The following RYR3 variants were observed in gnomAD, a reference collection of about 807,000 sequenced individuals.
RYR3 encodes ryanodine receptor 3.
In RYR3, 207 loss-of-function variants were observed where a neutral mutation model predicts 584.3. The ratio of observed to expected loss-of-function variants is 0.35; its 90% CI spans 0.32 to 0.40. The LOEUF (loss-of-function observed/expected upper bound fraction) is 0.40, where lower values mean the gene tolerates loss of function less well. RYR3 is among the 10% of genes least tolerant of loss of function. The probability of loss-of-function intolerance (pLI) is 1.00; values close to 1 mark genes in which losing one functional copy is unlikely to be tolerated. For synonymous variants in RYR3, 2,416 were observed against 2,248.5 expected (o/e 1.07, Z -2.11); for missense variants, 5,616 against 6,089.2 (o/e 0.92, Z 2.59).
At chr15:33,439,037 A>G (rs2045986122) in intron 1 of RYR3, among the ~76,000 whole-genome samples, 1 of 152,210 alleles carries the variant, frequency 6.6e-6, no homozygotes, top group Non-Finnish European at 1.5e-5. Flanking sequence ...AAATGTTAAA[A>G]AAAACTAATA....
intron 60 of RYR3, among the ~76,000 whole-genome samples, chr15:33,762,144 A>G (rs548853607): frequency 1.3e-5 from 2 of 152,090 alleles, no homozygotes; most frequent in Admixed American, 1.3e-4. Context: ...CCCACAGCCA[A>G]TATCATACTG....
At chr15:33,456,831 T>A (rs532277227) in intron 1 of RYR3, among the ~76,000 whole-genome samples, 1 of 152,264 alleles carries the variant, frequency 6.6e-6, no homozygotes, top group South Asian at 2.1e-4. Context: ...TGTGATAAAA[T>A]AGGGGCCATT....
intron 2 of RYR3, among the ~76,000 whole-genome samples, chr15:33,483,954 A>G (rs2050189891): frequency 6.6e-6 from 1 of 152,164 alleles, no homozygotes; most frequent in Admixed American, 6.5e-5. Flanking sequence ...AAATGTTTAT[A>G]GCACCTGATT....
intron 42 of RYR3, 121 bp downstream of exon 42, chr15:33,701,201 G>T: frequency 1.6e-6 from 1 of 644,648 alleles, no homozygotes; most frequent in South Asian, 2.0e-5. Flanking sequence ...TGGGCTTGTA[G>T]GGAAAGTGTG....
rs1002586633 is a variant in RYR3, at chr15:33,772,046, G to A, written c.8943G>A (p.Thr2981=). ...LKLGKFTHSR[T]QIKGVSQNIN... The stretch of plus-strand genomic sequence containing the variant: ...TTGGGAAGTTCACCCATTCCCGAAC[G>A]CAGATTAAAGGCGTTTCTCAGAATA... The change falls in exon 63 of 104, where the codon ACG becomes ACA. Residue 2981 remains threonine (T), a synonymous_variant. Coordinates refer to ENST00000634891, the MANE Select transcript of RYR3 (RefSeq NM_001036.6). The A allele has an allele frequency of 2.0e-5, 32 of 1,613,480 alleles. No homozygotes were observed. In the African/African-American group the frequency reaches 2.9e-4, roughly 15 times the overall value.
At position 33,675,752 on chromosome 15, in the gene RYR3, A is replaced by AT. The variant is rs776890843; in HGVS notation, c.5860+5202dup. Among the ~76,000 whole-genome samples the AT allele has an allele frequency of 5.3e-5, 8 of 152,302 alleles. No homozygotes were observed. The East Asian group carries it at 1.5e-3, about 29-fold the overall frequency. On this transcript the variant is annotated intron_variant, in intron 38 of 103. Coordinates refer to ENST00000634891, the MANE Select transcript of RYR3 (RefSeq NM_001036.6). ...ATATAGTAAGCGCTTAATTTTAACT[A>AT]TTTTTTGGCTATCGTTTGTTGATTA...
At chr15:33,491,118 G>C (rs1016991732) in intron 2 of RYR3, among the ~76,000 whole-genome samples, 3 of 152,188 alleles carry the variant, frequency 2.0e-5, no homozygotes, top group Non-Finnish European at 2.9e-5. Context: ...TGAATTTGCA[G>C]TCATTGACCT....
At chr15:33,538,138 T>C (rs2055494990) in intron 5 of RYR3, among the ~76,000 whole-genome samples, 8 of 152,198 alleles carry the variant, frequency 5.3e-5, no homozygotes, top group Admixed American at 4.6e-4. Context: ...TAATCTTTGC[T>C]TTCTCCAAGT....
At chr15:33,664,589 G>GTGTGTGTGTGTATATATATATATATA (rs577496539) in intron 36 of RYR3, among the ~76,000 whole-genome samples, 25 of 91,374 alleles carry the variant, frequency 2.7e-4, no homozygotes, top group South Asian at 1.0e-3. Flanking sequence ...GTGTGTGTGT[G>GTGTGTGTGTGTATATATATATATATA]TATATATATA....
chr15:33,476,995 CTAAA>C (rs1156597009), intron 2 of RYR3, among the ~76,000 whole-genome samples: 1 of 152,178 alleles, frequency 6.6e-6, no homozygotes, highest in Non-Finnish European at 1.5e-5. Flanking sequence ...TCCCTTATTA[CTAAA>C]TAGTTGCCCT....
chr15:33,485,083 A>G (rs72725502), intron 2 of RYR3, among the ~76,000 whole-genome samples: 12,153 of 152,272 alleles, frequency 0.08, 647 homozygotes, highest in Middle Eastern at 0.13. Flanking sequence ...GAGATCAGAA[A>G]AGAAATAGGC....
At chr15:33,766,904 A>G (rs1444670667) in intron 60 of RYR3, among the ~76,000 whole-genome samples, 1 of 152,228 alleles carries the variant, frequency 6.6e-6, no homozygotes, top group Non-Finnish European at 1.5e-5. Context: ...TCTGGGCTAA[A>G]GACGGTGCTT....
At chr15:33,527,202 T>C (rs1176859309) in intron 3 of RYR3, among the ~76,000 whole-genome samples, 5 of 152,136 alleles carry the variant, frequency 3.3e-5, no homozygotes, top group Non-Finnish European at 5.9e-5. Context: ...TACAACCCTT[T>C]AGGTAAGGGA....
At position 33,311,784 on chromosome 15, in the gene RYR3, C is replaced by T. The variant is rs1033580667; in HGVS notation, c.51+688C>T. Among the ~76,000 whole-genome samples, 2 of 152,246 alleles carry T rather than the reference C, an allele frequency of 1.3e-5. No homozygotes were observed. Reference sequence around the variant, plus strand: ...CGCGAGCCCCGCAGGACAGGGAAACCCCAGTCAGTGGCTCCGCGTCACTCA... The same window carrying T: ...CGCGAGCCCCGCAGGACAGGGAAACTCCAGTCAGTGGCTCCGCGTCACTCA... On this transcript the variant is annotated intron_variant, in intron 1 of 103. Coordinates refer to ENST00000634891, the MANE Select transcript of RYR3 (RefSeq NM_001036.6). This position sits in a 1 kb window ranked among gnomAD's most constrained non-coding sequence, Gnocchi z 4.4.
At chr15:33,599,277 C>A (rs766457151) in intron 16 of RYR3, among the ~76,000 whole-genome samples, 3 of 152,288 alleles carry the variant, frequency 2.0e-5, no homozygotes, top group Non-Finnish European at 4.4e-5. Context: ...AAAATGTGAA[C>A]CCAGAAAATC....
At chr15:33,690,309 G>GA (rs111270947) in intron 38 of RYR3, among the ~76,000 whole-genome samples, 25,897 of 152,048 alleles carry the variant, frequency 0.17, 2,553 homozygotes, top group Admixed American at 0.31. Context: ...AAATTCAGGA[G>GA]AAAAAAAGCA....
intron 1 of RYR3, among the ~76,000 whole-genome samples, chr15:33,331,683 A>G (rs189129724): frequency 2.6e-5 from 4 of 152,228 alleles, no homozygotes; most frequent in African/African-American, 9.6e-5. Flanking sequence ...ATTACCACAG[A>G]CAGAACTTAG....
chr15:33,557,328 G>A (rs764414339), intron 10 of RYR3, among the ~76,000 whole-genome samples: 3 of 152,168 alleles, frequency 2.0e-5, no homozygotes, highest in Non-Finnish European at 2.9e-5. Context: ...AGTACTTAGC[G>A]CAATACCTAG....
Position 33,749,988 on chromosome 15 carries a change from G to C in RYR3, c.8209G>C (p.Glu2737Gln). The change falls in exon 56 of 104, where the codon GAG (glutamate) becomes CAG (glutamine). Residue 2737 changes from glutamate (E) to glutamine (Q), a missense_variant. Around this residue, in one of 9 missense-constraint regions of RYR3, gnomAD observed 1,280 missense variants for 1,426.2 expected, o/e 0.90. Transcript: ENST00000634891. ...VLSRELQGMV[E>Q]VVAENYHNIW... ...TCTTGGTGGGACACAGGGAATGGTG[G>C]AGGTCGTGGCTGAGAACTATCACAA... 1 of 1,612,226 alleles carries C rather than the reference G, an allele frequency of 6.2e-7. No homozygotes were observed. The highest frequency in any genetic ancestry group is 8.5e-7 in the Non-Finnish European group (1 of 1,179,358).
Sources: allele counts gnomAD v4.1 joint callset (sites outside exome capture counted in the v4.1 genomes callset), GRCh38; gene constraint gnomAD v4.1.1; regional missense constraint gnomAD v4.1.1; non-coding constraint Gnocchi (gnomAD v3.1); transcripts MANE v1.5; gene names NCBI Gene and HGNC (gene_info 2026-07-23, HGNC 2026-07-21).